Variants in PHLPP1 observed in about 807,000 individuals in gnomAD.
PHLPP1 encodes PH domain and leucine rich repeat protein phosphatase 1.
A neutral mutation model predicts 117.2 loss-of-function variants in PHLPP1; 42 were observed. The observed-to-expected ratio is 0.36, with a 90% confidence interval of 0.28 to 0.46. PHLPP1 has a LOEUF of 0.46. Among genes scored for constraint, PHLPP1 ranks in the 20% least tolerant of loss-of-function variants. The probability of loss-of-function intolerance (pLI) is 1.00; values close to 1 mark genes in which losing one functional copy is unlikely to be tolerated. For missense variants in PHLPP1, 2,084 were observed against 2,241.9 expected (o/e 0.93, Z 1.42); for synonymous variants, 1,042 against 970.7 (o/e 1.07, Z -1.37).
intron 12 of PHLPP1, among the ~76,000 whole-genome samples, chr18:62,948,199 C>T (rs570527600): frequency 6.6e-6 from 1 of 151,892 alleles, no homozygotes; most frequent in Non-Finnish European, 1.5e-5. Flanking sequence ...GTGGCACATT[C>T]CTGTAGTCCC....
intron 12 of PHLPP1, among the ~76,000 whole-genome samples, chr18:62,948,041 T>G (rs1289688942): frequency 1.3e-5 from 2 of 150,356 alleles, no homozygotes; most frequent in South Asian, 2.1e-4. Flanking sequence ...AATAAATAAA[T>G]AAAATACAAA....
chr18:62,820,766 G>C (rs1284130197), intron 1 of PHLPP1, among the ~76,000 whole-genome samples: 3 of 152,184 alleles, frequency 2.0e-5, no homozygotes, highest in Admixed American at 6.5e-5. Context: ...TTTTATAGCA[G>C]TATGAAAACT....
At chr18:62,823,391 G>C (rs1312627884) in intron 1 of PHLPP1, among the ~76,000 whole-genome samples, 2 of 151,840 alleles carry the variant, frequency 1.3e-5, no homozygotes, top group East Asian at 3.9e-4. Flanking sequence ...TAGCGACCCT[G>C]TCTCTACAAA....
intron 1 of PHLPP1, among the ~76,000 whole-genome samples, chr18:62,810,035 A>T (rs1914066419): frequency 6.6e-6 from 1 of 152,234 alleles, no homozygotes; most frequent in Non-Finnish European, 1.5e-5. Flanking sequence ...GTCTTTTCTG[A>T]GTGCTAAGAG....
rs573644596 is a variant in PHLPP1, at chr18:62,890,485, C to G, written c.2067-4526C>G. Among the ~76,000 whole-genome samples the G allele has an allele frequency of 3.3e-5, 5 of 152,214 alleles. No homozygotes were observed. The East Asian group carries it at 9.7e-4, about 29-fold the overall frequency. ...CTCACCATTTTGGCCAGGCTGGTCT[C>G]GAAGTCTTGACCTCAGGTGATCCAC... is the stretch of plus-strand genomic sequence containing the variant. On this transcript the variant is annotated intron_variant, in intron 4 of 16. Transcript: ENST00000262719.
chr18:62,799,978 A>G (rs781153506), intron 1 of PHLPP1, among the ~76,000 whole-genome samples: 2 of 152,210 alleles, frequency 1.3e-5, no homozygotes, highest in African/African-American at 2.4e-5. Context: ...GCCTGAAATT[A>G]TCAACTGCTG....
At chr18:62,899,280 T>A (rs1378305848) in intron 6 of PHLPP1, among the ~76,000 whole-genome samples, 1 of 152,220 alleles carries the variant, frequency 6.6e-6, no homozygotes, top group Non-Finnish European at 1.5e-5. Context: ...GAGTCCTTAG[T>A]AGGTCCAGTC....
intron 16 of PHLPP1, among the ~76,000 whole-genome samples, chr18:62,977,695 G>A (rs967025351): frequency 6.6e-6 from 1 of 152,146 alleles, no homozygotes; most frequent in Admixed American, 6.5e-5. Context: ...GTCCTCTCTG[G>A]ACCTTTAGAC....
chr18:62,931,205 A>AACAGC (rs56191858), intron 10 of PHLPP1, among the ~76,000 whole-genome samples: 1 of 148,498 alleles, frequency 6.7e-6, no homozygotes, highest in African/African-American at 2.5e-5. Context: ...TAAAAAAAAA[A>AACAGC]AACAACAACA....
At chr18:62,945,306 G>T (rs576822370) in intron 12 of PHLPP1, 35 bp downstream of exon 12, 35 of 1,525,462 alleles carry the variant, frequency 2.3e-5, no homozygotes, top group Middle Eastern at 1.7e-4. Context: ...CTAAGCTTCA[G>T]GTCGGCAAAG....
intron 1 of PHLPP1, among the ~76,000 whole-genome samples, chr18:62,771,183 C>T (rs1912758254): frequency 6.8e-6 from 1 of 147,512 alleles, no homozygotes; most frequent in Admixed American, 6.8e-5. Flanking sequence ...CATTGCCCTC[C>T]AGCCTGGGCG....
chr18:62,844,601 A>G (rs1438333177), intron 3 of PHLPP1, among the ~76,000 whole-genome samples: 5 of 152,302 alleles, frequency 3.3e-5, no homozygotes, highest in African/African-American at 4.8e-5. Context: ...AACCCCAGAC[A>G]TTATTTCGCT....
intron 1 of PHLPP1, among the ~76,000 whole-genome samples, chr18:62,791,913 A>T (rs1913469391): frequency 2.0e-5 from 3 of 152,086 alleles, no homozygotes; most frequent in African/African-American, 7.2e-5. Context: ...TTTTTCTTTC[A>T]TAACTATAAT....
intron 4 of PHLPP1, among the ~76,000 whole-genome samples, chr18:62,891,262 A>G (rs567280597): frequency 3.9e-5 from 6 of 152,358 alleles, no homozygotes; most frequent in Non-Finnish European, 7.3e-5. Flanking sequence ...TGTCAATTAT[A>G]TATATCGATA....
chr18:62,744,420 C>CT (rs1911619247), intron 1 of PHLPP1, among the ~76,000 whole-genome samples: 1 of 152,346 alleles, frequency 6.6e-6, no homozygotes, highest in South Asian at 2.1e-4. Context: ...GTTTCACTGT[C>CT]TAAGAATTGA....
chr18:62,732,729 G>A (rs77302307), intron 1 of PHLPP1, among the ~76,000 whole-genome samples: 4,083 of 152,260 alleles, frequency 0.027, 80 homozygotes, highest in Middle Eastern at 0.079. Flanking sequence ...TCACCATTCC[G>A]GATGCCATTA....
chr18:62,940,354 CTTTTTTTTTTTT>C (rs66530466), intron 10 of PHLPP1, among the ~76,000 whole-genome samples: 27 of 46,812 alleles, frequency 5.8e-4, no homozygotes, highest in East Asian at 2.4e-3. Context: ...TCTTTCTTTT[CTTTTTTTTTTTT>C]TTTTTTTTTT....
chr18:62,898,029 C>T (rs1045498095), intron 6 of PHLPP1, among the ~76,000 whole-genome samples: 1 of 152,134 alleles, frequency 6.6e-6, no homozygotes, highest in African/African-American at 2.4e-5. Flanking sequence ...TCCTCTTTCT[C>T]CTCTTTGTAC....
intron 1 of PHLPP1, among the ~76,000 whole-genome samples, chr18:62,783,192 C>T (rs562330465): frequency 7.1e-6 from 1 of 140,748 alleles, no homozygotes; most frequent in Middle Eastern, 3.6e-3. Context: ...GTTACTAGGT[C>T]TTGATTCTGC....
Sources: allele counts gnomAD v4.1 joint callset (sites outside exome capture counted in the v4.1 genomes callset), GRCh38; gene constraint gnomAD v4.1.1; transcripts MANE v1.5; gene names NCBI Gene and HGNC (gene_info 2026-07-23, HGNC 2026-07-21).